Variants in KHDRBS2 observed in about 807,000 individuals in gnomAD.
KHDRBS2 encodes KH RNA binding domain containing, signal transduction associated 2, also known as KH domain-containing, RNA-binding, signal transduction-associated protein 2.
In KHDRBS2, 26 loss-of-function variants were observed where a neutral mutation model predicts 44.3. The observed-to-expected ratio is 0.59, with a 90% CI of 0.43 to 0.81. The LOEUF is 0.81. Among genes scored for constraint, KHDRBS2 ranks in the 40% least tolerant of loss-of-function variants. The pLI, the probability that KHDRBS2 is intolerant of heterozygous loss-of-function variation, is 0.00. For synonymous variants in KHDRBS2, 194 were observed against 151.1 expected (o/e 1.28, Z -2.08); for missense variants, 476 against 433.1 (o/e 1.10, Z -0.88).
chr6:62,035,868 T>A (rs1285907570), intron 3 of KHDRBS2, among the ~76,000 whole-genome samples: 3 of 152,130 alleles, frequency 2.0e-5, no homozygotes, highest in Middle Eastern at 3.4e-3. Flanking sequence ...ACAGGGAACA[T>A]CTGCACTAAG....
the KHDRBS2 span, among the ~76,000 whole-genome samples, chr6:61,634,334 G>T: frequency 3.3e-5 from 5 of 151,648 alleles, no homozygotes; most frequent in African/African-American, 1.2e-4. Context: ...AAGCCACAAG[G>T]ACAGAAATAA....
chr6:61,603,666 C>T, the KHDRBS2 span, among the ~76,000 whole-genome samples: 1 of 152,172 alleles, frequency 6.6e-6, no homozygotes, highest in Non-Finnish European at 1.5e-5. Context: ...TCACTCTCTA[C>T]AGTTCTCATA....
intron 1 of KHDRBS2, among the ~76,000 whole-genome samples, chr6:62,224,435 G>C (rs1831420446): frequency 6.6e-6 from 1 of 152,086 alleles, no homozygotes; most frequent in Non-Finnish European, 1.5e-5. Context: ...GTGTAGGTTT[G>C]TATGGGAATA....
At chr6:61,560,720 T>A in the KHDRBS2 span, among the ~76,000 whole-genome samples, 1 of 152,304 alleles carries the variant, frequency 6.6e-6, no homozygotes, top group African/African-American at 2.4e-5. Flanking sequence ...TCCTTCTCTA[T>A]GGTATCTCGA....
chr6:61,617,247 T>TC, the KHDRBS2 span, among the ~76,000 whole-genome samples: 4 of 152,226 alleles, frequency 2.6e-5, no homozygotes, highest in African/African-American at 7.2e-5. Flanking sequence ...GCTATAGGTC[T>TC]CTACACCTAG....
chr6:62,244,600 T>G (rs1469409804), intron 1 of KHDRBS2, among the ~76,000 whole-genome samples: 2 of 152,110 alleles, frequency 1.3e-5, no homozygotes, highest in African/African-American at 4.8e-5. Flanking sequence ...TACACAATTT[T>G]TTTTTCATTT....
At chr6:61,694,351 A>G (rs1767676997) in intron 8 of KHDRBS2, among the ~76,000 whole-genome samples, 1 of 152,206 alleles carries the variant, frequency 6.6e-6, no homozygotes, top group African/African-American at 2.4e-5. Flanking sequence ...AAACTTTTAT[A>G]TGTAGTTGTA....
the KHDRBS2 span, among the ~76,000 whole-genome samples, chr6:61,545,890 C>T: frequency 6.6e-6 from 1 of 152,044 alleles, no homozygotes; most frequent in South Asian, 2.1e-4. Context: ...ACAGAGAAGG[C>T]AGCCGTCTTC....
At chr6:61,610,912 T>C in the KHDRBS2 span, among the ~76,000 whole-genome samples, 1 of 152,156 alleles carries the variant, frequency 6.6e-6, no homozygotes, top group Non-Finnish European at 1.5e-5. Context: ...CCTATTAACA[T>C]GCTAAGGACC....
At chr6:61,791,220 C>T (rs1784595087) in intron 6 of KHDRBS2, among the ~76,000 whole-genome samples, 2 of 151,258 alleles carry the variant, frequency 1.3e-5, no homozygotes, top group African/African-American at 4.8e-5. Flanking sequence ...TCCCCTGCCT[C>T]ACTCCGGAAT....
intron 6 of KHDRBS2, among the ~76,000 whole-genome samples, chr6:61,874,306 C>T (rs1799087664): frequency 6.6e-6 from 1 of 152,080 alleles, no homozygotes; most frequent in Admixed American, 6.6e-5. Context: ...TTTGATACCT[C>T]TTTCAAAAAG....
rs535730692 is a variant in KHDRBS2 at position 61,847,690 on chromosome 6, T to A, written c.810+46945A>T. ...TGGATTACCTGTGATCTGCATCATATTTTGGTTTAGTGATCATTCAATAAT... is the reference window on the plus strand; with the variant it reads ...TGGATTACCTGTGATCTGCATCATAATTTGGTTTAGTGATCATTCAATAAT... On this transcript the variant is annotated intron_variant, in intron 6 of 8. Transcript: ENST00000281156. Among the ~76,000 whole-genome samples the A allele has an allele frequency of 7.9e-5, 12 of 152,254 alleles. No homozygotes were observed. The South Asian group carries it at 2.5e-3, about 32-fold the overall frequency.
At chr6:62,200,850 G>T (rs1396786054) in intron 1 of KHDRBS2, among the ~76,000 whole-genome samples, 1 of 152,134 alleles carries the variant, frequency 6.6e-6, no homozygotes, top group Non-Finnish European at 1.5e-5. Context: ...GTCCAACAAT[G>T]ATAGACTGGA....
intron 4 of KHDRBS2, among the ~76,000 whole-genome samples, chr6:61,955,053 T>A (rs1424816534): frequency 4.8e-5 from 7 of 144,796 alleles, no homozygotes; most frequent in African/African-American, 1.8e-4. Flanking sequence ...TGTATACATA[T>A]ATGTATGTAT....
At chr6:61,806,484 C>T (rs62416609) in intron 6 of KHDRBS2, among the ~76,000 whole-genome samples, 2 of 152,070 alleles carry the variant, frequency 1.3e-5, no homozygotes. Context: ...GGATTTGAAT[C>T]AAAATTGCTT....
At position 61,855,332 on chromosome 6, in the gene KHDRBS2, A is replaced by G. The variant is rs370868221; in HGVS notation, c.810+39303T>C. Among the ~76,000 whole-genome samples, 342 of 152,094 alleles carry G rather than the reference A, an allele frequency of 2.2e-3. 2 individuals carry two copies. The highest frequency in any genetic ancestry group is 8.0e-3 in the African/African-American group (333 of 41,512). ...AAAATACATAGTCTTTTGAAACTGT[A>G]TTTTAGTTCAAATCCCAGCTCTGAC... On this transcript the variant is annotated intron_variant, in intron 6 of 8. Transcript: ENST00000281156.
the KHDRBS2 span, among the ~76,000 whole-genome samples, chr6:61,627,967 G>A: frequency 6.6e-6 from 1 of 152,136 alleles, no homozygotes; most frequent in Non-Finnish European, 1.5e-5. Flanking sequence ...GGAGTCTCAA[G>A]TGAGGGTAGT....
At chr6:61,632,972 G>C in the KHDRBS2 span, among the ~76,000 whole-genome samples, 2 of 152,040 alleles carry the variant, frequency 1.3e-5, no homozygotes, top group African/African-American at 4.8e-5. Flanking sequence ...CTGAGTAAAA[G>C]CCTACTTATA....
At chr6:62,049,160 T>A (rs904912387) in intron 2 of KHDRBS2, among the ~76,000 whole-genome samples, 9 of 151,922 alleles carry the variant, frequency 5.9e-5, no homozygotes, top group African/African-American at 2.2e-4. Flanking sequence ...TAAATAGATA[T>A]GGTATGGTAT....
Sources: gnomAD v4.1 joint callset for allele counts (sites outside exome capture counted in the v4.1 genomes callset) on GRCh38, gnomAD v4.1.1 for gene constraint, MANE v1.5 for transcripts, NCBI Gene and HGNC (gene_info 2026-07-23, HGNC 2026-07-21) for gene names.